CTTNBP2: variants seen among roughly 807,000 people sequenced by gnomAD.
The protein encoded by CTTNBP2 is cortactin-binding protein 2.
In CTTNBP2, 108 loss-of-function variants were observed where a neutral mutation model predicts 156.9. The observed-to-expected ratio is 0.69, with a 90% CI of 0.59 to 0.81. The LOEUF (loss-of-function observed/expected upper bound fraction) is 0.81. CTTNBP2 is among the 30% of genes least tolerant of loss of function. The pLI is 0.00. For synonymous variants in CTTNBP2, 767 were observed against 751.8 expected (o/e 1.02, Z -0.33); for missense variants, 1,924 against 2,035.4 (o/e 0.95, Z 1.05).
Position 117,784,240 on chromosome 7 carries a change from G to A in CTTNBP2, c.2272+11C>T, listed in dbSNP as rs34976943. The A allele has an allele frequency of 8.3e-3, 13,113 of 1,580,598 alleles. 878 individuals carry two copies. The African/African-American group carries it at 0.15, about 18-fold the overall frequency. On this transcript the variant is annotated intron_variant, in intron 5 of 22. Transcript: ENST00000160373. ...TTGCAAGTGTGTGGTATAAGATCTC[G>A]CCATATTTACCTGTATGTCCATTCT...
chr7:117,794,877 CTTTTTT>C lies in CTTNBP2; in HGVS notation c.415-2102_415-2097del, dbSNP rs755340586. ...TCATATACTGTTTTTATATGTATAT[CTTTTTT>C]TTTTTTTTTTTTTTTTTTTTTTGAG... is the stretch of plus-strand genomic sequence containing the variant. On this transcript the variant is annotated intron_variant, in intron 3 of 22. Coordinates refer to ENST00000160373, the MANE Select transcript of CTTNBP2 (RefSeq NM_033427.3). Among the ~76,000 whole-genome samples the C allele has an allele frequency of 7.9e-5, 7 of 88,326 alleles. No homozygotes were observed. The South Asian group carries it at 2.0e-3, about 26-fold the overall frequency. 57.9% of individuals were successfully genotyped at this position (88,326 alleles called of 152,430 possible).
intron 2 of CTTNBP2, among the ~76,000 whole-genome samples, chr7:117,835,457 G>A (rs918824959): frequency 3.9e-5 from 6 of 152,136 alleles, no homozygotes; most frequent in South Asian, 2.1e-4. Flanking sequence ...AACCACAGGG[G>A]GTCAACAGTT....
At chr7:117,771,596 T>C (rs1014118239) in intron 8 of CTTNBP2, among the ~76,000 whole-genome samples, 4 of 152,170 alleles carry the variant, frequency 2.6e-5, no homozygotes, top group Non-Finnish European at 5.9e-5. Context: ...TGAAAAGCAA[T>C]TATTGTACTG....
At chr7:117,843,116 T>C (rs951648919) in intron 2 of CTTNBP2, among the ~76,000 whole-genome samples, 2 of 152,154 alleles carry the variant, frequency 1.3e-5, no homozygotes, top group Non-Finnish European at 2.9e-5. Flanking sequence ...CCCTAAACAA[T>C]ACAGTATAAC....
intron 2 of CTTNBP2, among the ~76,000 whole-genome samples, chr7:117,857,551 T>G (rs1439706488): frequency 6.6e-6 from 1 of 152,182 alleles, no homozygotes; most frequent in East Asian, 1.9e-4. Context: ...GTTTAAAGAT[T>G]TTAAAATTCT....
chr7:117,800,141 A>T (rs1799532679), intron 3 of CTTNBP2, among the ~76,000 whole-genome samples: 1 of 148,206 alleles, frequency 6.7e-6, no homozygotes, highest in East Asian at 2.0e-4. Context: ...ATTGCCTTTA[A>T]TTTTTTTTTT....
chr7:117,817,361 A>ATATATATATATATATATATATATAT (rs1298639361), intron 2 of CTTNBP2, among the ~76,000 whole-genome samples: 630 of 53,204 alleles, frequency 0.012, 100 homozygotes, highest in Non-Finnish European at 0.015. Context: ...AAAAAAAAAA[A>ATATATATATATATATATATATATAT]ATATATATAT....
chr7:117,831,422 C>T (rs1293416577), intron 2 of CTTNBP2, among the ~76,000 whole-genome samples: 1 of 152,094 alleles, frequency 6.6e-6, no homozygotes, highest in East Asian at 2.0e-4. Context: ...GACTGAAAGT[C>T]ATGAGGAGGA....
At chr7:117,819,621 T>C (rs1800836017) in intron 2 of CTTNBP2, among the ~76,000 whole-genome samples, 1 of 152,162 alleles carries the variant, frequency 6.6e-6, no homozygotes, top group Non-Finnish European at 1.5e-5. Context: ...AGACACTGCA[T>C]CTGTGTGTGA....
At position 117,821,836 on chromosome 7, in the gene CTTNBP2, C is replaced by T. The variant is rs552370630; in HGVS notation, c.190-10847G>A. The stretch of plus-strand genomic sequence containing the variant: ...CGATCTCCTGACCTTGTGATCCACC[C>T]ACCTCGGCCTCCCAAAGTGCTGGGA... On this transcript the variant is annotated intron_variant, in intron 2 of 22. Coordinates refer to ENST00000160373, the MANE Select transcript of CTTNBP2 (RefSeq NM_033427.3). Among the ~76,000 whole-genome samples the T allele has an allele frequency of 9.2e-5, 14 of 152,212 alleles. 1 individual carries two copies. Among genetic ancestry groups the T allele is most frequent in the African/African-American group, 3.4e-4 (14 of 41,556 alleles).
chr7:117,811,648 C>T (rs34171514), intron 2 of CTTNBP2, among the ~76,000 whole-genome samples: 11,348 of 151,968 alleles, frequency 0.075, 1,437 homozygotes, highest in African/African-American at 0.26. Flanking sequence ...TAATTTTTAG[C>T]TAAAGTTCAA....
At chr7:117,810,578 GTTATT>G (rs1470839316) in intron 3 of CTTNBP2, among the ~76,000 whole-genome samples, 182 bp downstream of exon 3, 1 of 152,128 alleles carries the variant, frequency 6.6e-6, no homozygotes, top group Non-Finnish European at 1.5e-5. Context: ...ATGGTTTAGT[GTTATT>G]TTGAGTTACA....
chr7:117,823,198 C>T (rs2117037472), intron 2 of CTTNBP2, among the ~76,000 whole-genome samples: 1 of 152,284 alleles, frequency 6.6e-6, no homozygotes, highest in Admixed American at 6.5e-5. Context: ...GGACAAGACT[C>T]TCTCACAATG....
intron 3 of CTTNBP2, among the ~76,000 whole-genome samples, chr7:117,794,355 C>A (rs1052357535): frequency 6.6e-6 from 1 of 152,144 alleles, no homozygotes; most frequent in Admixed American, 6.5e-5. Flanking sequence ...GTTCCACTGG[C>A]GGTCCATAAT....
At chr7:117,871,828 T>C (rs1804616507) in intron 1 of CTTNBP2, 1 of 427,624 alleles carries the variant, frequency 2.3e-6, no homozygotes, top group South Asian at 1.4e-4. Context: ...CCCTCTTTCT[T>C]TTTCGTCCTT....
At chr7:117,849,697 T>A (rs147886414) in intron 2 of CTTNBP2, among the ~76,000 whole-genome samples, 26 of 152,258 alleles carry the variant, frequency 1.7e-4, no homozygotes, top group Non-Finnish European at 1.8e-4. Flanking sequence ...ATTGTTCTAT[T>A]CATTAAGGTA....
chr7:117,746,196 A>T, intron 12 of CTTNBP2, 97 bp from the exon 13 acceptor site: 1 of 773,120 alleles, frequency 1.3e-6, no homozygotes, highest in Admixed American at 2.2e-5. Context: ...GATTGTCCTC[A>T]TACTTTCAAA....
At chr7:117,797,588 C>T (rs1799386648) in intron 3 of CTTNBP2, among the ~76,000 whole-genome samples, 1 of 151,958 alleles carries the variant, frequency 6.6e-6, no homozygotes, top group South Asian at 2.1e-4. Context: ...GGAATCCTGG[C>T]ATACAAACAA....
chr7:117,837,771 T>G (rs908087864), intron 2 of CTTNBP2, among the ~76,000 whole-genome samples: 1 of 152,166 alleles, frequency 6.6e-6, no homozygotes, highest in Non-Finnish European at 1.5e-5. Flanking sequence ...TGGCATCATG[T>G]TGGTACTCAA....
Sources: gnomAD v4.1 joint callset for allele counts (sites outside exome capture counted in the v4.1 genomes callset) on GRCh38, gnomAD v4.1.1 for gene constraint, MANE v1.5 for transcripts, NCBI Gene and HGNC (gene_info 2026-07-23, HGNC 2026-07-21) for gene names.